The following PTPRJ variants were observed in gnomAD, a reference collection of about 807,000 sequenced individuals.
The protein encoded by PTPRJ is protein tyrosine phosphatase receptor type J, also known as receptor-type tyrosine-protein phosphatase eta.
Under a neutral mutation model 141.3 loss-of-function variants are expected in PTPRJ, and 129 were observed. The ratio of observed to expected loss-of-function variants is 0.91; its 90% CI spans 0.79 to 1.06. PTPRJ has a LOEUF of 1.06. PTPRJ is among the 50% of genes least tolerant of loss of function. PTPRJ has a pLI of 0.00. For synonymous variants in PTPRJ, 610 were observed against 640.5 expected, an observed-to-expected ratio of 0.95 and a Z score of 0.72; for missense variants, 1,601 against 1,679.7, an observed-to-expected ratio of 0.95 and a Z score of 0.82.
intron 7 of PTPRJ, among the ~76,000 whole-genome samples, chr11:48,130,089 TG>T (rs1778710048): frequency 1.3e-5 from 2 of 151,242 alleles, no homozygotes; most frequent in African/African-American, 4.9e-5. Flanking sequence ...GGTCTCTCTC[TG>T]CTGTCCCTCC....
At position 48,158,475 on chromosome 11, in the gene PTPRJ, G is replaced by T. The variant is rs1445970527; in HGVS notation, c.3439-1455G>T. Among the ~76,000 whole-genome samples, 3 of 152,184 alleles carry T rather than the reference G, an allele frequency of 2.0e-5. No individual in the cohort carries two copies. The highest frequency in any genetic ancestry group is 7.2e-5 in the African/African-American group (3 of 41,448). On this transcript the variant is annotated intron_variant, in intron 21 of 24. Coordinates refer to ENST00000418331, the MANE Select transcript of PTPRJ (RefSeq NM_002843.4). The surrounding 1 kb of genome is among the most constrained non-coding windows in gnomAD (Gnocchi z 4.4). ...AGATGAGGTAACTGAGGCTTGGGGA[G>T]TTTAAGAACTTGCCCACAAGGTAGG...
rs1857669854 is a variant in PTPRJ, at chr11:48,158,540, A to G, written c.3439-1390A>G. Among the ~76,000 whole-genome samples, 1 of 152,106 alleles carries G rather than the reference A, an allele frequency of 6.6e-6. No homozygotes were observed. Among genetic ancestry groups the G allele is most frequent in the Non-Finnish European group, 1.5e-5 (1 of 68,020 alleles). ...TGGTAAGAGGCTGAGCTGGGAATCA[A>G]CTCCATGTCAGTGTGTATCCAGATC... On this transcript the variant is annotated intron_variant, in intron 21 of 24. Transcript: ENST00000418331. The surrounding 1 kb of genome is among the most constrained non-coding windows in gnomAD (Gnocchi z 4.4).
At chr11:48,131,448 C>A (rs571999785) in intron 8 of PTPRJ, 3 of 766,860 alleles carry the variant, frequency 3.9e-6, no homozygotes, top group East Asian at 2.5e-5. Context: ...TTGTAATCTG[C>A]CTTTTCCCCA....
chr11:48,088,241 G>A (rs7479361), intron 1 of PTPRJ, among the ~76,000 whole-genome samples: 84,075 of 152,026 alleles, frequency 0.55, 27,859 homozygotes, highest in East Asian at 0.8. Context: ...CCTTTACAAC[G>A]TTTTCTTCTC....
intron 1 of PTPRJ, among the ~76,000 whole-genome samples, chr11:47,998,737 C>G (rs933563148): frequency 4.6e-5 from 7 of 152,198 alleles, no homozygotes; most frequent in Non-Finnish European, 7.3e-5. Flanking sequence ...TTTCAACTAC[C>G]AGTGATCATA....
At chr11:48,123,301 A>G (rs973216529) in intron 4 of PTPRJ, among the ~76,000 whole-genome samples, 1 of 152,238 alleles carries the variant, frequency 6.6e-6, no homozygotes, top group Non-Finnish European at 1.5e-5. Flanking sequence ...GACAGTTTAG[A>G]AGAGTGTCCA....
intron 1 of PTPRJ, among the ~76,000 whole-genome samples, chr11:48,040,897 C>T (rs7949985): frequency 0.16 from 23,754 of 152,070 alleles, 2,077 homozygotes; most frequent in African/African-American, 0.21. Context: ...CCACCATGCC[C>T]CTCTTACATT....
chr11:47,986,607 C>T, intron 1 of PTPRJ, among the ~76,000 whole-genome samples: 1 of 152,158 alleles, frequency 6.6e-6, no homozygotes, highest in Non-Finnish European at 1.5e-5. Flanking sequence ...ACCTCCGCCT[C>T]CCGGGTTCAA....
chr11:48,017,510 CACAAAATGCAGTGTAG>C (rs2134208246), intron 1 of PTPRJ, among the ~76,000 whole-genome samples: 1 of 152,286 alleles, frequency 6.6e-6, no homozygotes, highest in African/African-American at 2.4e-5. Context: ...CATGGCATTC[CACAAAATGCAGTGTAG>C]ATGTAAATTA....
At chr11:48,143,128 T>A (rs554226143) in intron 12 of PTPRJ, 78 bp downstream of exon 12, 1 of 1,553,142 alleles carries the variant, frequency 6.4e-7, no homozygotes, top group East Asian at 2.3e-5. Flanking sequence ...CACTGAGGCA[T>A]GTGAGTAATG....
At chr11:47,983,587 A>T (rs1853970412) in intron 1 of PTPRJ, among the ~76,000 whole-genome samples, 1 of 152,226 alleles carries the variant, frequency 6.6e-6, no homozygotes, top group East Asian at 1.9e-4. Context: ...CTTTTCTAAG[A>T]CAGGAAGGAC....
At chr11:48,086,843 A>G (rs1855727610) in intron 1 of PTPRJ, among the ~76,000 whole-genome samples, 1 of 152,214 alleles carries the variant, frequency 6.6e-6, no homozygotes, top group African/African-American at 2.4e-5. Context: ...ACTTTGAGCC[A>G]TGAAATATGT....
At chr11:48,058,947 G>C (rs564629030) in intron 1 of PTPRJ, among the ~76,000 whole-genome samples, 2 of 151,906 alleles carry the variant, frequency 1.3e-5, no homozygotes, top group Non-Finnish European at 2.9e-5. Flanking sequence ...TCTAGAACAC[G>C]TCACGTTCAT....
chr11:48,096,114 C>A (rs920316846), intron 1 of PTPRJ, among the ~76,000 whole-genome samples: 8 of 152,178 alleles, frequency 5.3e-5, no homozygotes, highest in African/African-American at 1.9e-4. Context: ...CAGTTCATTG[C>A]CGTTTACAGA....
chr11:48,131,707 GCT>G lies in PTPRJ; in HGVS notation c.1615+992_1615+993del, dbSNP rs976476428. On this transcript the variant is annotated intron_variant, in intron 8 of 24. Transcript: ENST00000418331. ...GAGTAGTGGCAGCAGAGAACGTGTG[GCT>G]TGTGAAGCCTGAGATATTTATTTTC... 9.7e-6 allele frequency: 5 copies of G among 515,428 alleles called. No individual in the cohort carries two copies. In the African/African-American group the frequency reaches 9.9e-5, roughly 10 times the overall value. 31.9% of individuals were successfully genotyped at this position (515,428 alleles called of 1,614,324 possible).
intron 1 of PTPRJ, among the ~76,000 whole-genome samples, chr11:48,026,594 C>T (rs900326123): frequency 5.4e-4 from 82 of 151,690 alleles, no homozygotes; most frequent in Admixed American, 1.8e-3. Context: ...GGATTACAGG[C>T]GCCCGCCACC....
At chr11:48,034,915 C>T (rs976397622) in intron 1 of PTPRJ, among the ~76,000 whole-genome samples, 2 of 152,198 alleles carry the variant, frequency 1.3e-5, no homozygotes, top group African/African-American at 2.4e-5. Flanking sequence ...TCTTCATCCC[C>T]GCAAGATATT....
chr11:48,170,092 A>G lies in PTPRJ; in HGVS notation c.*2730A>G, dbSNP rs1371235752. On this transcript the variant is annotated 3_prime_UTR_variant, in exon 25 of 25. Coordinates refer to ENST00000418331, the MANE Select transcript of PTPRJ (RefSeq NM_002843.4). ...AGGAACAATGAGCTCAAATTGGAAG[A>G]GTCCAGTGGAATCGGGGGGATGGTG... The G allele has an allele frequency of 1.3e-5, 2 of 152,172 alleles. No individual in the cohort carries two copies. Among genetic ancestry groups the G allele is most frequent in the Non-Finnish European group, 2.9e-5 (2 of 68,058 alleles). 9.4% of individuals were successfully genotyped at this position (152,172 alleles called of 1,614,324 possible).
In PTPRJ at chr11:48,077,542, T is replaced by G. The variant is rs556201462; in HGVS notation, c.97-32516T>G. Among the ~76,000 whole-genome samples, 113 of 152,326 alleles carry G rather than the reference T, an allele frequency of 7.4e-4. 1 individual carries two copies. Among genetic ancestry groups the G allele is most frequent in the Non-Finnish European group, 1.8e-4 (12 of 68,032 alleles). ...ACATATTTCCTGAAGGCCTACTCTG[T>G]GTCTCAGCACCATTCCAGGACTCCC... On this transcript the variant is annotated intron_variant, in intron 1 of 24. Transcript: ENST00000418331.
Sources: allele counts gnomAD v4.1 joint callset (sites outside exome capture counted in the v4.1 genomes callset), GRCh38; gene constraint gnomAD v4.1.1; non-coding constraint Gnocchi (gnomAD v3.1); transcripts MANE v1.5; gene names NCBI Gene and HGNC (gene_info 2026-07-23, HGNC 2026-07-21).